Variants in POLR3A observed in about 807,000 individuals in gnomAD.
POLR3A encodes the protein RNA polymerase III subunit A.
In POLR3A, 112 loss-of-function variants were observed where a neutral mutation model predicts 152.8. That is an observed-to-expected ratio of 0.73 (90% CI 0.63 to 0.86). The LOEUF is 0.86. Among genes scored for constraint, POLR3A ranks in the 40% least tolerant of loss-of-function variants. The pLI, the probability that POLR3A is intolerant of heterozygous loss-of-function variation, is 0.00. For synonymous variants in POLR3A, 615 were observed against 652.1 expected (o/e 0.94, Z 0.87); for missense variants, 1,385 against 1,743.1 (o/e 0.79, Z 3.66).
At chr10:78,019,940 G>C (rs1200115237) in intron 8 of POLR3A, 1 of 151,940 alleles carries the variant, frequency 6.6e-6, no homozygotes, top group African/African-American at 2.4e-5. Flanking sequence ...TTGGGAGGCC[G>C]AGGTGGGTGG....
At chr10:77,995,524 A>G (rs1193005349) in intron 19 of POLR3A, among the ~76,000 whole-genome samples, 1 of 152,204 alleles carries the variant, frequency 6.6e-6, no homozygotes, top group Non-Finnish European at 1.5e-5. Flanking sequence ...GTCTCTGATA[A>G]AACAGACTTT....
chr10:77,982,134 C>A lies in POLR3A; in HGVS notation c.3759+20G>T, dbSNP rs1847152034. On this transcript the variant is annotated intron_variant, in intron 28 of 30. Transcript: ENST00000372371. ...GGAAGACAGCCTAACCCTAAGGCGA[C>A]CCCGTGGGCTGAGTGGTACCTCATA... 1 of 1,612,142 alleles carries A rather than the reference C, an allele frequency of 6.2e-7. No individual in the cohort carries two copies. Among genetic ancestry groups the A allele is most frequent in the Admixed American group, 1.7e-5 (1 of 59,926 alleles).
intron 5 of POLR3A, among the ~76,000 whole-genome samples, chr10:78,024,285 A>G (rs1335871210): frequency 6.6e-6 from 1 of 150,642 alleles, no homozygotes; most frequent in Non-Finnish European, 1.5e-5. Flanking sequence ...AATCGTTTTA[A>G]CCTGGGATGC....
intron 16 of POLR3A, among the ~76,000 whole-genome samples, chr10:78,002,934 T>C (rs1847371663): frequency 6.6e-6 from 1 of 152,256 alleles, no homozygotes; most frequent in African/African-American, 2.4e-5. Context: ...AATAGCTGTG[T>C]GGACACACAC....
rs900604830 is a variant in POLR3A, at chr10:77,994,516, A to G, written c.2617-1149T>C. ...CATTACTTAAAAAAAAAAAAAAAGC[A>G]GAAGACTCAGTAGCCAATGCGATCA... On this transcript the variant is annotated intron_variant, in intron 19 of 30. Coordinates refer to ENST00000372371, the MANE Select transcript of POLR3A (RefSeq NM_007055.4). 2.0e-5 allele frequency among the ~76,000 whole-genome samples: 3 copies of G among 152,002 alleles called. No individual in the cohort carries two copies. The East Asian group carries it at 5.8e-4, about 29-fold the overall frequency.
rs974187612 is a variant in POLR3A, at chr10:77,976,946, C to T, written c.*532G>A. On this transcript the variant is annotated 3_prime_UTR_variant, in exon 31 of 31. Coordinates refer to ENST00000372371, the MANE Select transcript of POLR3A (RefSeq NM_007055.4). ...TAGATGCTTGGTTTCAAAAATAAAACTAAAATAACAAAAATTCCAAATCCC... is the reference window on the plus strand; with the variant it reads ...TAGATGCTTGGTTTCAAAAATAAAATTAAAATAACAAAAATTCCAAATCCC... The T allele has an allele frequency of 6.5e-6, 1 of 154,524 alleles. No homozygotes were observed. Among genetic ancestry groups the T allele is most frequent in the East Asian group, 1.9e-4 (1 of 5,278 alleles). The allele number at this position is 154,524 out of a possible 1,614,324, so 9.6% of individuals were successfully genotyped here.
chr10:78,009,683 G>T lies in POLR3A; in HGVS notation c.1771-8C>A. 1.2e-6 allele frequency: 2 copies of T among 1,614,130 alleles called. No homozygotes were observed. Among genetic ancestry groups the T allele is most frequent in the Non-Finnish European group, 8.5e-7 (1 of 1,180,032 alleles). On this transcript the variant is annotated splice_polypyrimidine_tract_variant and splice_region_variant and intron_variant, in intron 13 of 30. Transcript: ENST00000372371. Reference sequence around the variant, plus strand: ...CGTCCACAGGGTGACAGGCTGAGGGGGGGAGGAAGCCTGAGAGTCAGTGGG... The same window carrying T: ...CGTCCACAGGGTGACAGGCTGAGGGTGGGAGGAAGCCTGAGAGTCAGTGGG...
intron 21 of POLR3A, among the ~76,000 whole-genome samples, chr10:77,987,705 C>A (rs1847210779): frequency 6.6e-6 from 1 of 152,200 alleles, no homozygotes; most frequent in South Asian, 2.1e-4. Flanking sequence ...TCTCATTAGC[C>A]TCCTAACTAG....
At chr10:78,017,517 C>T in intron 10 of POLR3A, 58 bp downstream of exon 10, 2 of 1,565,566 alleles carry the variant, frequency 1.3e-6, no homozygotes, top group Non-Finnish European at 1.8e-6. Context: ...CTGTTTAGCA[C>T]TGAACAGTCA....
rs369684554 is a variant in POLR3A, at chr10:77,986,055, G to A, written c.2988+18C>T. The stretch of plus-strand genomic sequence containing the variant: ...TACAAACAGCTCGGGGTTCTAACGC[G>A]TCTTGGAGGGATATTACCTCTGTTG... On this transcript the variant is annotated intron_variant, in intron 22 of 30. Transcript: ENST00000372371. The A allele has an allele frequency of 3.3e-5, 52 of 1,577,862 alleles. No individual in the cohort carries two copies. In the South Asian group the frequency reaches 3.3e-4, roughly 10 times the overall value.
chr10:78,005,418 G>A (rs1847401514), intron 15 of POLR3A, among the ~76,000 whole-genome samples: 1 of 152,226 alleles, frequency 6.6e-6, no homozygotes, highest in Admixed American at 6.5e-5. Flanking sequence ...CTGCGCTCCA[G>A]CCTGGGCAAC....
At chr10:78,014,111 C>T (rs192715196) in intron 10 of POLR3A, among the ~76,000 whole-genome samples, 1,580 of 151,206 alleles carry the variant, frequency 0.01, 11 homozygotes, top group Non-Finnish European at 0.015. Flanking sequence ...GAGCCAAGAT[C>T]GCGCCATTGC....
chr10:78,000,971 CT>C lies in POLR3A; in HGVS notation c.2478+4del. 1 of 1,465,738 alleles carries C rather than the reference CT, an allele frequency of 6.8e-7. No individual in the cohort carries two copies. The highest frequency in any genetic ancestry group is 9.5e-7 in the Non-Finnish European group (1 of 1,049,890). The allele number at this position is 1,465,738 out of a possible 1,614,324, so 90.8% of individuals were successfully genotyped here. On this transcript the variant is annotated splice_donor_region_variant and intron_variant, in intron 18 of 30. Transcript: ENST00000372371. Reference sequence around the variant, plus strand: ...CACAGTTCTACCTGATCTGCTACTGCTTACCTTTGAGTGTTTTTCAAAATGA... The same window carrying C: ...CACAGTTCTACCTGATCTGCTACTGCTACCTTTGAGTGTTTTTCAAAATGA...
At chr10:78,005,561 C>T (rs777431691) in intron 15 of POLR3A, among the ~76,000 whole-genome samples, 2 of 152,186 alleles carry the variant, frequency 1.3e-5, no homozygotes, top group Non-Finnish European at 2.9e-5. Context: ...TCTGGCTTAG[C>T]AGGATAGGAA....
In POLR3A at chr10:77,981,531, G is replaced by A. The variant is rs758393684; in HGVS notation, c.3788C>T (p.Ala1263Val). ...EVEKTLGIEAARTTIINEIQY... is the reference protein window; with the variant it reads ...EVEKTLGIEAVRTTIINEIQY... ...GATTTCATTGATGATCGTTGTCCGG[G>A]CGGCCTCGATGCCCAGAGTTTTCTC... Residue 1263 changes from alanine (A) to valine (V), a missense_variant, in exon 29 of 31, where the codon GCC (alanine) becomes GTC (valine). Ala to Val is a moderately conservative substitution (Grantham distance 64, BLOSUM62 0). Transcript: ENST00000372371. 12 of 1,613,870 alleles carry A rather than the reference G, an allele frequency of 7.4e-6. No homozygotes were observed. Among genetic ancestry groups the A allele is most frequent in the African/African-American group, 2.7e-5 (2 of 74,882 alleles).
At chr10:77,996,798 C>A (rs1449550109) in intron 19 of POLR3A, among the ~76,000 whole-genome samples, 1 of 152,184 alleles carries the variant, frequency 6.6e-6, no homozygotes, top group Admixed American at 6.5e-5. Context: ...GGGAATCCTC[C>A]CTAACTCATT....
Position 77,977,588 on chromosome 10 carries a change from T to G in POLR3A, c.4063A>C (p.Ile1355Leu). 6.2e-7 allele frequency: 1 copy of G among 1,614,038 alleles called. No individual in the cohort carries two copies. Among genetic ancestry groups the G allele is most frequent in the Non-Finnish European group, 8.5e-7 (1 of 1,179,942 alleles). The change falls in exon 31 of 31, where the codon ATT (isoleucine) becomes CTT (leucine). Residue 1355 changes from isoleucine (I) to leucine (L), a missense_variant. Physicochemically the swap from Ile to Leu is conservative, Grantham distance 5. Around this residue, in one of 7 missense-constraint regions of POLR3A, gnomAD observed 332 missense variants for 400.1 expected, o/e 0.83. Coordinates refer to ENST00000372371, the MANE Select transcript of POLR3A (RefSeq NM_007055.4). ...AGCAGCTTGAAGAGCCCGGTTCCAA[T>G]GTTCATTGGGATTCCCATGATGATG... ...ECIIMGIPMNIGTGLFKLLHK... is the reference protein window; with the variant it reads ...ECIIMGIPMNLGTGLFKLLHK...
chr10:77,995,232 G>A (rs1847288164), intron 19 of POLR3A, among the ~76,000 whole-genome samples: 2 of 152,234 alleles, frequency 1.3e-5, no homozygotes, highest in African/African-American at 4.8e-5. Flanking sequence ...GACCATCAAG[G>A]CTAGGAAGAA....
intron 26 of POLR3A, among the ~76,000 whole-genome samples, 179 bp from the exon 27 acceptor site, chr10:77,982,996 C>T (rs762305721): frequency 6.6e-6 from 1 of 152,120 alleles, no homozygotes; most frequent in African/African-American, 2.4e-5. Flanking sequence ...GTATATATAT[C>T]TATGCTTTAT....
Sources: allele counts gnomAD v4.1 joint callset (sites outside exome capture counted in the v4.1 genomes callset), GRCh38; gene constraint gnomAD v4.1.1; regional missense constraint gnomAD v4.1.1; transcripts MANE v1.5; gene names NCBI Gene and HGNC (gene_info 2026-07-23, HGNC 2026-07-21).